The following PALM2AKAP2 variants were observed in gnomAD, a reference collection of about 807,000 sequenced individuals.
PALM2AKAP2 encodes the protein PALM2 and AKAP2 fusion, also known as PALM2-AKAP2 fusion protein.
A neutral mutation model predicts 71.5 loss-of-function variants in PALM2AKAP2; 37 were observed. The ratio of observed to expected loss-of-function variants is 0.52; its 90% CI spans 0.40 to 0.68. The LOEUF is 0.68. Among genes scored for constraint, PALM2AKAP2 ranks in the 30% least tolerant of loss-of-function variants. The pLI is 0.00. For synonymous variants in PALM2AKAP2, 468 were observed against 478.8 expected (o/e 0.98, Z 0.29); for missense variants, 1,224 against 1,191.8 (o/e 1.03, Z -0.40).
At chr9:110,006,214 TCTCTTTC>T (rs993597213) in intron 6 of PALM2AKAP2, among the ~76,000 whole-genome samples, 2 of 151,838 alleles carry the variant, frequency 1.3e-5, no homozygotes, top group Non-Finnish European at 2.9e-5. Context: ...CTATATCTCT[TCTCTTTC>T]CTCTTTCTCT....
In PALM2AKAP2 at chr9:110,108,846, AT is replaced by A. The variant is rs1554752744; in HGVS notation, c.157-27272del. Among the ~76,000 whole-genome samples, 7 of 151,852 alleles carry A rather than the reference AT, an allele frequency of 4.6e-5. No homozygotes were observed. In the East Asian group the frequency reaches 5.8e-4, roughly 13 times the overall value. ...ATTATGCCCCTGCATTTAAAAAAAAATTTTTTTTTGGTAGGGGGAAGTAAAG... is the reference window on the plus strand; with the variant it reads ...ATTATGCCCCTGCATTTAAAAAAAAATTTTTTTTGGTAGGGGGAAGTAAAG... On this transcript the variant is annotated intron_variant, in intron 1 of 3. Coordinates refer to ENST00000374525, the Ensembl canonical transcript of PALM2AKAP2.
chr9:109,727,141 T>A (rs2479313), intron 1 of PALM2AKAP2, among the ~76,000 whole-genome samples: 22,308 of 152,250 alleles, frequency 0.15, 2,052 homozygotes, highest in Non-Finnish European at 0.21. Context: ...TTTAAATTAT[T>A]CTTGTTTTCT....
At chr9:109,868,317 A>G (rs1468896288) in intron 2 of PALM2AKAP2, among the ~76,000 whole-genome samples, 1 of 152,234 alleles carries the variant, frequency 6.6e-6, no homozygotes, top group Non-Finnish European at 1.5e-5. Flanking sequence ...TGGTTGCAGA[A>G]TGTTGCTTTT....
At chr9:109,957,126 A>T (rs1831760902) in intron 6 of PALM2AKAP2, among the ~76,000 whole-genome samples, 2 of 152,212 alleles carry the variant, frequency 1.3e-5, no homozygotes, top group Admixed American at 1.3e-4. Context: ...CTCCAGTAAG[A>T]TCACGATCGT....
intron 1 of PALM2AKAP2, among the ~76,000 whole-genome samples, chr9:109,653,936 C>T (rs935472218): frequency 6.6e-6 from 1 of 152,112 alleles, no homozygotes; most frequent in East Asian, 1.9e-4. Flanking sequence ...TTTTAATTGG[C>T]ACAACTTAGC....
intron 1 of PALM2AKAP2, among the ~76,000 whole-genome samples, chr9:110,132,169 G>A (rs146927049): frequency 1.3e-5 from 2 of 151,680 alleles, no homozygotes; most frequent in African/African-American, 2.4e-5. Context: ...CTCCTGCCTC[G>A]GCCTCTCAAG....
At chr9:109,725,108 T>C (rs1306870734) in intron 1 of PALM2AKAP2, among the ~76,000 whole-genome samples, 1 of 152,058 alleles carries the variant, frequency 6.6e-6, no homozygotes, top group Admixed American at 6.5e-5. Context: ...AAAAGAAAAT[T>C]AAAATGAGAT....
upstream of PALM2AKAP2, chr9:110,048,669 C>T: frequency 6.7e-7 from 1 of 1,497,134 alleles, no homozygotes; most frequent in Non-Finnish European, 8.8e-7. Flanking sequence ...CCCCGCCCTC[C>T]AGCGCGCCCG....
At chr9:110,007,884 T>C (rs1463567803) in intron 6 of PALM2AKAP2, among the ~76,000 whole-genome samples, 4 of 152,192 alleles carry the variant, frequency 2.6e-5, no homozygotes, top group African/African-American at 2.4e-5. Flanking sequence ...CTAAAAAGGA[T>C]ATAATCTAAT....
chr9:109,837,921 A>G (rs916150151), intron 1 of PALM2AKAP2, among the ~76,000 whole-genome samples: 3 of 152,154 alleles, frequency 2.0e-5, no homozygotes, highest in Non-Finnish European at 4.4e-5. Context: ...CTCCCACACA[A>G]TAATAATGGG....
chr9:110,145,376 T>G (rs1238290867), intron 2 of PALM2AKAP2, among the ~76,000 whole-genome samples: 1 of 152,212 alleles, frequency 6.6e-6, no homozygotes, highest in Non-Finnish European at 1.5e-5. Context: ...GAGTTCTTTT[T>G]GAAAGTTATT....
At chr9:109,650,705 G>T (rs1335394945) in intron 1 of PALM2AKAP2, among the ~76,000 whole-genome samples, 1 of 152,116 alleles carries the variant, frequency 6.6e-6, no homozygotes, top group Non-Finnish European at 1.5e-5. Context: ...GGATTATAGA[G>T]GTGAGCCACC....
At position 110,048,744 on chromosome 9, in the gene PALM2AKAP2, GTC is replaced by G; in HGVS notation, c.48_49del (p.Pro17TrpfsTer42). On this transcript the variant is annotated frameshift_variant, in exon 1 of 4. Coordinates refer to ENST00000374525, the Ensembl canonical transcript of PALM2AKAP2. LOFTEE classifies it high-confidence loss of function. The stretch of plus-strand genomic sequence containing the variant: ...GGGCTGCCGCTCGCCTTCCCCCGGA[GTC>G]TCCTGGACCCCCGGAGTCTCCTGGA... 2 of 1,369,774 alleles carry G rather than the reference GTC, an allele frequency of 1.5e-6. No homozygotes were observed. The highest frequency in any genetic ancestry group is 2.0e-6 in the Non-Finnish European group (2 of 1,017,122). 84.9% of individuals were successfully genotyped at this position (1,369,774 alleles called of 1,614,324 possible).
At chr9:110,131,148 A>T (rs1835725833) in intron 1 of PALM2AKAP2, among the ~76,000 whole-genome samples, 1 of 152,148 alleles carries the variant, frequency 6.6e-6, no homozygotes, top group South Asian at 2.1e-4. Context: ...AGCTGTATTA[A>T]ATTGCCCCGA....
exon 1 of PALM2AKAP2, chr9:110,048,804 C>G: frequency 6.5e-7 from 1 of 1,533,038 alleles, no homozygotes; most frequent in South Asian, 1.2e-5. Context: ...CCGCGCGGCG[C>G]TGGACTGGAG....
At chr9:109,697,006 C>G (rs1053441698) in intron 1 of PALM2AKAP2, among the ~76,000 whole-genome samples, 2 of 152,156 alleles carry the variant, frequency 1.3e-5, no homozygotes, top group African/African-American at 4.8e-5. Flanking sequence ...CTTCCCCAGC[C>G]TAACTTTTCT....
intron 3 of PALM2AKAP2, among the ~76,000 whole-genome samples, chr9:109,890,085 A>G (rs1830052294): frequency 6.6e-6 from 1 of 152,194 alleles, no homozygotes; most frequent in Non-Finnish European, 1.5e-5. Context: ...CAACCGTTCT[A>G]CATTCTTGAT....
chr9:110,143,411 CA>C lies in PALM2AKAP2; in HGVS notation c.2569+4893del, dbSNP rs10638600. ...TACTCCAGGCTGGGCAGCAAAGTGC[CA>C]AAAAAAAAAAAAAAAAAAAAGGAGA... On this transcript the variant is annotated intron_variant, in intron 2 of 3. Transcript: ENST00000374525. Among the ~76,000 whole-genome samples the C allele has an allele frequency of 3.9e-3, 272 of 69,070 alleles. 1 individual carries two copies. Among genetic ancestry groups the C allele is most frequent in the African/African-American group, 7.1e-3 (113 of 15,844 alleles). The allele number at this position is 69,070 out of a possible 152,430, so 45.3% of individuals were successfully genotyped here. A position where few individuals can be genotyped will look rare whatever the true frequency, so the allele number is the denominator to read the frequency against.
intron 1 of PALM2AKAP2, among the ~76,000 whole-genome samples, chr9:109,660,810 A>G (rs1827381921): frequency 6.6e-6 from 1 of 152,156 alleles, no homozygotes; most frequent in East Asian, 1.9e-4. Context: ...CTATTTCTCC[A>G]TATCCTCTCC....
Sources: allele counts gnomAD v4.1 joint callset (sites outside exome capture counted in the v4.1 genomes callset), GRCh38; gene constraint gnomAD v4.1.1; transcripts MANE v1.5; gene names NCBI Gene and HGNC (gene_info 2026-07-23, HGNC 2026-07-21).